ATAD2: variants seen among roughly 807,000 people sequenced by gnomAD.
ATAD2 encodes the protein ATPase family AAA domain-containing protein 2.
In ATAD2, 62 loss-of-function variants were observed where a neutral mutation model predicts 168.9. That is an observed-to-expected ratio of 0.37 (90% CI 0.30 to 0.45). ATAD2 has a LOEUF of 0.45. Ranked by LOEUF, ATAD2 falls within the 20% of genes least tolerant of loss-of-function variation. The pLI is 1.00. For missense variants in ATAD2, 1,419 were observed against 1,667.8 expected (o/e 0.85, Z 2.60); for synonymous variants, 613 against 571.6 (o/e 1.07, Z -1.03).
intron 13 of ATAD2, among the ~76,000 whole-genome samples, chr8:123,355,021 A>T (rs1332597146): frequency 6.6e-6 from 1 of 151,644 alleles, no homozygotes; most frequent in East Asian, 1.9e-4. Flanking sequence ...GTATTGTTAA[A>T]TATGTTCCTT....
intron 1 of ATAD2, among the ~76,000 whole-genome samples, chr8:123,413,079 A>G (rs1813184776): frequency 6.6e-6 from 1 of 152,166 alleles, no homozygotes; most frequent in Non-Finnish European, 1.5e-5. Context: ...TGTAATCATC[A>G]GGAAGGATAG....
At chr8:123,338,114 TG>T (rs1563837412) in intron 20 of ATAD2, among the ~76,000 whole-genome samples, 2 of 152,162 alleles carry the variant, frequency 1.3e-5, no homozygotes, top group Admixed American at 1.3e-4. Context: ...CCCAGCACTT[TG>T]GGAGGCCGAG....
At chr8:123,401,319 T>A, upstream of ATAD2, 1 of 1,354,588 alleles carries the variant, frequency 7.4e-7, no homozygotes, top group South Asian at 1.2e-5. Flanking sequence ...GTGGGGCAGC[T>A]GTGGGCACCT....
chr8:123,346,799 A>T (rs1239651739), intron 16 of ATAD2, 49 bp from the exon 17 acceptor site: 6 of 1,499,564 alleles, frequency 4.0e-6, no homozygotes, highest in Middle Eastern at 1.7e-4. Flanking sequence ...TTGCAAAGCA[A>T]ATCTTTATTG....
At position 123,349,395 on chromosome 8, in the gene ATAD2, C is replaced by T. The variant is rs778926450; in HGVS notation, c.1696G>A (p.Gly566Arg). 6 of 1,614,088 alleles carry T rather than the reference C, an allele frequency of 3.7e-6. No homozygotes were observed. Among genetic ancestry groups the T allele is most frequent in the Non-Finnish European group, 3.4e-6 (4 of 1,180,002 alleles). ...GTAGCACCAATGACCACAATTTCCC[C>T]TCTGCTGTCCAATCCATCCATAAGA... is the stretch of plus-strand genomic sequence containing the variant. ...LALMDGLDSR[G>R]EIVVIGATNR... The change falls in exon 14 of 28, where the codon GGG becomes AGG. Residue 566 changes from glycine to arginine, a missense_variant. Transcript: ENST00000287394.
intron 1 of ATAD2, among the ~76,000 whole-genome samples, chr8:123,414,760 T>C (rs1387204416): frequency 6.6e-6 from 1 of 152,244 alleles, no homozygotes; most frequent in African/African-American, 2.4e-5. Flanking sequence ...AGAAAGGTTA[T>C]TGCCAGGCTA....
intron 1 of ATAD2, among the ~76,000 whole-genome samples, chr8:123,409,889 T>C (rs983771799): frequency 6.7e-6 from 1 of 148,306 alleles, no homozygotes; most frequent in Non-Finnish European, 1.5e-5. Flanking sequence ...TGAGCCGAGA[T>C]TGCACCACTA....
chr8:123,414,618 T>G (rs1390095893), intron 1 of ATAD2, among the ~76,000 whole-genome samples: 1 of 152,206 alleles, frequency 6.6e-6, no homozygotes, highest in East Asian at 1.9e-4. Flanking sequence ...AGGGAGACCC[T>G]GTCCCCCACC....
At chr8:123,389,367 T>C (rs888139609) in intron 1 of ATAD2, among the ~76,000 whole-genome samples, 33 of 144,076 alleles carry the variant, frequency 2.3e-4, no homozygotes, top group African/African-American at 5.9e-4. Context: ...CGGCCGGGCG[T>C]GGTGGCTCAC....
chr8:123,386,602 G>A (rs898883105), intron 1 of ATAD2, among the ~76,000 whole-genome samples: 1 of 152,064 alleles, frequency 6.6e-6, no homozygotes, highest in African/African-American at 2.4e-5. Flanking sequence ...GATGGTTGCA[G>A]AACAATGTGA....
At chr8:123,389,258 G>T (rs548885863) in intron 1 of ATAD2, among the ~76,000 whole-genome samples, 2 of 148,380 alleles carry the variant, frequency 1.3e-5, no homozygotes, top group African/African-American at 5.0e-5. Flanking sequence ...TTACAGGTGT[G>T]AGCCACCGTG....
intron 14 of ATAD2, among the ~76,000 whole-genome samples, chr8:123,348,574 G>A (rs1183065199): frequency 6.6e-6 from 1 of 152,186 alleles, no homozygotes; most frequent in African/African-American, 2.4e-5. Flanking sequence ...CTACTTGGGA[G>A]TCTGAGGCAC....
intron 15 of ATAD2, 34 bp downstream of exon 15, chr8:123,348,146 TGTA>T (rs1828314642): frequency 2.8e-6 from 4 of 1,426,438 alleles, no homozygotes; most frequent in Admixed American, 2.3e-5. Context: ...TTGAAATAAA[TGTA>T]GTATTTATTT....
intron 10 of ATAD2, 51 bp from the exon 11 acceptor site, chr8:123,359,387 A>C (rs765844837): frequency 7.2e-7 from 1 of 1,393,474 alleles, no homozygotes; most frequent in Admixed American, 1.9e-5. Context: ...TCCAGATTAA[A>C]ATGTCACCCC....
At chr8:123,396,136 G>C in intron 1 of ATAD2, 51 bp downstream of exon 1, 2 of 1,493,304 alleles carry the variant, frequency 1.3e-6, no homozygotes, top group Non-Finnish European at 1.8e-6. Context: ...CCGGGCTGCC[G>C]GCAGTCCCCC....
intron 1 of ATAD2, chr8:123,401,761 C>T (rs978079509): frequency 1.6e-5 from 12 of 747,670 alleles, no homozygotes; most frequent in Middle Eastern, 3.4e-4. Flanking sequence ...AGGCCCCCAG[C>T]GAATAGTTCT....
At chr8:123,342,919 C>G (rs1419565974) in intron 19 of ATAD2, among the ~76,000 whole-genome samples, 1 of 152,102 alleles carries the variant, frequency 6.6e-6, no homozygotes, top group African/African-American at 2.4e-5. Flanking sequence ...ACCTTTTGTC[C>G]CTCAGCTATT....
At chr8:123,383,409 T>C (rs964287740) in intron 1 of ATAD2, among the ~76,000 whole-genome samples, 3 of 152,044 alleles carry the variant, frequency 2.0e-5, no homozygotes, top group Admixed American at 1.3e-4. Context: ...TGAATTTCAC[T>C]ATTGCAGACA....
chr8:123,359,180 G>C, intron 11 of ATAD2, 41 bp downstream of exon 11: 1 of 1,431,814 alleles, frequency 7.0e-7, no homozygotes. Flanking sequence ...AGCAAGAATA[G>C]CAAAGATTTT....
Sources: gnomAD v4.1 joint callset for allele counts (sites outside exome capture counted in the v4.1 genomes callset) on GRCh38, gnomAD v4.1.1 for gene constraint, MANE v1.5 for transcripts, NCBI Gene and HGNC (gene_info 2026-07-23, HGNC 2026-07-21) for gene names.